Variants in PTPRD observed in about 807,000 individuals in gnomAD.
PTPRD encodes receptor-type tyrosine-protein phosphatase delta.
PTPRD carries 34 observed loss-of-function variants against 214.5 expected under a neutral mutation model. The ratio of observed to expected loss-of-function variants is 0.16; its 90% CI spans 0.12 to 0.21. PTPRD has a LOEUF of 0.21. PTPRD is among the 10% of genes least tolerant of loss of function. The pLI is 1.00. For synonymous variants in PTPRD, 1,128 were observed against 845.7 expected (o/e 1.33, Z -5.79); for missense variants, 2,545 against 2,398.7 (o/e 1.06, Z -1.27).
intron 11 of PTPRD, among the ~76,000 whole-genome samples, chr9:8,844,719 C>G (rs2097650824): frequency 1.3e-5 from 2 of 152,152 alleles, no homozygotes. Context: ...AGCCAAATCC[C>G]AAGCTAAGAG....
At chr9:9,260,681 A>T (rs765373141) in intron 9 of PTPRD, among the ~76,000 whole-genome samples, 3 of 151,900 alleles carry the variant, frequency 2.0e-5, no homozygotes, top group African/African-American at 7.2e-5. Context: ...ATGGTTACAA[A>T]AGATGATAGA....
At chr9:8,822,014 G>C (rs1207369219) in intron 11 of PTPRD, among the ~76,000 whole-genome samples, 2 of 152,162 alleles carry the variant, frequency 1.3e-5, no homozygotes, top group Non-Finnish European at 2.9e-5. Flanking sequence ...TGTGATCATA[G>C]ACAGTTACAG....
chr9:8,873,689 GTTTC>G (rs879939337), intron 11 of PTPRD, among the ~76,000 whole-genome samples: 51 of 152,184 alleles, frequency 3.4e-4, no homozygotes, highest in Non-Finnish European at 5.1e-4. Context: ...CAAAAAGAGA[GTTTC>G]TTTATTATGT....
At chr9:10,283,969 T>C (rs904071853) in intron 3 of PTPRD, among the ~76,000 whole-genome samples, 39 of 152,164 alleles carry the variant, frequency 2.6e-4, no homozygotes, top group African/African-American at 9.2e-4. Context: ...CCTTCTCTCA[T>C]GGTTTGTGAG....
chr9:8,487,052 ACTTT>A (rs1447138577), intron 27 of PTPRD, among the ~76,000 whole-genome samples: 3 of 152,182 alleles, frequency 2.0e-5, no homozygotes, highest in African/African-American at 4.8e-5. Context: ...TTTAATTTGC[ACTTT>A]CTAACTTTAC....
intron 2 of PTPRD, among the ~76,000 whole-genome samples, chr9:10,512,523 G>A (rs769757057): frequency 1.3e-5 from 2 of 152,114 alleles, no homozygotes; most frequent in Non-Finnish European, 2.9e-5. Context: ...GGGGAATGGA[G>A]CTTAGACAAA....
At chr9:9,742,121 T>C (rs544226704) in intron 6 of PTPRD, among the ~76,000 whole-genome samples, 68 of 152,306 alleles carry the variant, frequency 4.5e-4, no homozygotes, top group Non-Finnish European at 2.4e-4. Context: ...TGGTATCTCA[T>C]TGTGGTTTTG....
chr9:9,881,661 T>G (rs922782872), intron 5 of PTPRD, among the ~76,000 whole-genome samples: 7 of 152,116 alleles, frequency 4.6e-5, no homozygotes, highest in Non-Finnish European at 8.8e-5. Context: ...AACCCTGGTA[T>G]GATAGATTGG....
At chr9:9,328,861 C>T (rs1259969774) in intron 9 of PTPRD, among the ~76,000 whole-genome samples, 1 of 151,338 alleles carries the variant, frequency 6.6e-6, no homozygotes, top group East Asian at 1.9e-4. Flanking sequence ...TGGTCTTGAA[C>T]TCCTGACCTC....
intron 2 of PTPRD, among the ~76,000 whole-genome samples, chr9:10,529,845 G>A (rs1355175054): frequency 6.6e-6 from 1 of 151,896 alleles, no homozygotes; most frequent in African/African-American, 2.4e-5. Flanking sequence ...ATAAGTGGGA[G>A]TTGGACAATG....
chr9:10,157,232 T>C (rs922243550), intron 3 of PTPRD, among the ~76,000 whole-genome samples: 2 of 152,162 alleles, frequency 1.3e-5, no homozygotes, highest in African/African-American at 4.8e-5. Context: ...TAGTCAGTGG[T>C]TTGTGTACTT....
chr9:8,365,173 G>A (rs1002170494), intron 39 of PTPRD, among the ~76,000 whole-genome samples: 4 of 152,102 alleles, frequency 2.6e-5, no homozygotes, highest in African/African-American at 9.7e-5. Flanking sequence ...GGCTGCAGGA[G>A]GGGAAGTGGT....
intron 3 of PTPRD, among the ~76,000 whole-genome samples, chr9:10,247,913 T>C (rs1319191059): frequency 4.6e-5 from 7 of 152,148 alleles, no homozygotes; most frequent in Admixed American, 4.6e-4. Flanking sequence ...CTATGTGTTA[T>C]GGGAGGGACC....
At chr9:10,573,140 T>TC (rs1377588546) in intron 2 of PTPRD, among the ~76,000 whole-genome samples, 4 of 152,090 alleles carry the variant, frequency 2.6e-5, no homozygotes, top group African/African-American at 9.6e-5. Context: ...CTCCAACACC[T>TC]CCCCCACAAA....
chr9:8,518,010 G>C lies in PTPRD; in HGVS notation c.1381C>G (p.Gln461Glu), dbSNP rs2138492620. The change falls in exon 21 of 46, where the codon CAA (glutamine) becomes GAA (glutamate). Residue 461 changes from glutamine (Q) to glutamate (E), a missense_variant. By Grantham distance (29) the Gln-to-Glu change is conservative (BLOSUM62 2). Coordinates refer to ENST00000381196, the MANE Select transcript of PTPRD (RefSeq NM_002839.4). ...TGTTTCATCCAGTTGTTGACATGTT[G>C]AGTGGGATCCATTGTATAATAAACT... The part of the protein sequence containing the change: ...YRVYYTMDPT[Q>E]HVNNWMKHNV... 6.2e-7 allele frequency: 1 copy of C among 1,614,188 alleles called. No individual in the cohort carries two copies. The highest frequency in any genetic ancestry group is 8.5e-7 in the Non-Finnish European group (1 of 1,180,018).
chr9:9,890,104 A>T (rs1414111059), intron 5 of PTPRD, among the ~76,000 whole-genome samples: 2 of 152,114 alleles, frequency 1.3e-5, no homozygotes, highest in African/African-American at 4.8e-5. Flanking sequence ...TGTTAGCCTT[A>T]AAAGTAGTAA....
chr9:8,408,746 G>C (rs1024991372), intron 35 of PTPRD, among the ~76,000 whole-genome samples: 4 of 152,016 alleles, frequency 2.6e-5, no homozygotes, highest in African/African-American at 9.7e-5. Context: ...TTCCCTGCCT[G>C]CACACTGGGC....
At chr9:9,674,432 G>T (rs1416103912) in intron 7 of PTPRD, among the ~76,000 whole-genome samples, 2 of 151,254 alleles carry the variant, frequency 1.3e-5, no homozygotes, top group Admixed American at 6.6e-5. Context: ...AAATGGAAGA[G>T]AAAAAACATA....
At chr9:9,883,089 C>T (rs761295884) in intron 5 of PTPRD, among the ~76,000 whole-genome samples, 6 of 152,100 alleles carry the variant, frequency 3.9e-5, no homozygotes, top group Non-Finnish European at 5.9e-5. Flanking sequence ...CCATATAAGC[C>T]TCTTTTAGTT....
Sources: gnomAD v4.1 joint callset for allele counts (sites outside exome capture counted in the v4.1 genomes callset) on GRCh38, gnomAD v4.1.1 for gene constraint, MANE v1.5 for transcripts, NCBI Gene and HGNC (gene_info 2026-07-23, HGNC 2026-07-21) for gene names.